The following APOL5 variants were observed in gnomAD, a reference collection of about 807,000 sequenced individuals.
APOL5 encodes the protein apolipoprotein L5.
A neutral mutation model predicts 35.5 loss-of-function variants in APOL5; 29 were observed. The ratio of observed to expected loss-of-function variants is 0.82; its 90% confidence interval spans 0.61 to 1.11. APOL5 has a LOEUF of 1.11. Among genes scored for constraint, APOL5 ranks in the 50% most tolerant of loss-of-function variants. APOL5 has a pLI of 0.00. For synonymous variants in APOL5, 188 were observed against 200.2 expected (o/e 0.94, Z 0.51); for missense variants, 514 against 530.4 (o/e 0.97, Z 0.30).
chr22:35,708,760 A>T, the APOL5 span, among the ~76,000 whole-genome samples: 2 of 152,308 alleles, frequency 1.3e-5, no homozygotes, highest in Middle Eastern at 3.4e-3. Flanking sequence ...AGGGGCAGGC[A>T]GTGGTCAACA....
chr22:35,727,345 T>C, intron 3 of APOL5, 151 bp downstream of exon 3: 1 of 1,144,300 alleles, frequency 8.7e-7, no homozygotes, highest in South Asian at 1.6e-5. Flanking sequence ...CCCCTGACAT[T>C]AACTAGGCGC....
At chr22:35,709,410 A>G in the APOL5 span, among the ~76,000 whole-genome samples, 74 of 151,774 alleles carry the variant, frequency 4.9e-4, no homozygotes, top group Middle Eastern at 0.02. Context: ...GAGAGTTTCT[A>G]TTTTCATGGC....
the APOL5 span, among the ~76,000 whole-genome samples, chr22:35,711,599 T>TTTCATTCCTTCC: frequency 1.3e-5 from 1 of 77,508 alleles, no homozygotes; most frequent in South Asian, 5.5e-4. Context: ...TCACCATGTT[T>TTTCATTCCTTCC]TTCCTTCCTT....
chr22:35,710,715 C>T, the APOL5 span, among the ~76,000 whole-genome samples: 1 of 152,110 alleles, frequency 6.6e-6, no homozygotes, highest in African/African-American at 2.4e-5. Context: ...TCCCCTCCCC[C>T]AGCCCCTGGC....
chr22:35,725,252 G>GT (rs1927108467), intron 2 of APOL5, among the ~76,000 whole-genome samples: 1 of 152,004 alleles, frequency 6.6e-6, no homozygotes, highest in African/African-American at 2.4e-5. Context: ...CGAGGACTGG[G>GT]TTTTTTGTTT....
rs1569153349 is a variant in APOL5, at chr22:35,726,524, C to T, written c.456C>T (p.Asn152=). Residue 152 remains asparagine (N), a synonymous_variant, in exon 3 of 5, where the codon AAC becomes AAT. Transcript: ENST00000249044. ...SSSGAVSGVM[N]ILGLALAPVT... ...CCGGGGCTGTTTCTGGGGTCATGAA[C>T]ATCCTGGGTTTGGCCCTAGCACCTG... 3.1e-6 allele frequency: 5 copies of T among 1,614,202 alleles called. No individual in the cohort carries two copies. Among genetic ancestry groups the T allele is most frequent in the Non-Finnish European group, 4.2e-6 (5 of 1,180,038 alleles).
At position 35,728,637 on chromosome 22, in the gene APOL5, C is replaced by T. The variant is rs190712323; in HGVS notation, c.1127-86C>T. ...TTCTCAAAGCCAATAGAAATTTGCT[C>T]TCTGGGGACATATTTGAGCTTCTGA... On this transcript the variant is annotated intron_variant, in intron 3 of 4. Coordinates refer to ENST00000249044, the MANE Select transcript of APOL5 (RefSeq NM_030642.1). 1.1e-4 allele frequency: 162 copies of T among 1,478,678 alleles called. 1 individual carries two copies. In the East Asian group the frequency reaches 3.5e-3, roughly 32 times the overall value. The allele number at this position is 1,478,678 out of a possible 1,614,324, so 91.6% of individuals were successfully genotyped here. A position where few individuals can be genotyped will look rare whatever the true frequency, so the allele number is the denominator to read the frequency against.
chr22:35,720,440 T>C (rs1926926096), intron 1 of APOL5, 128 bp from the exon 2 acceptor site: 13 of 624,992 alleles, frequency 2.1e-5, no homozygotes, highest in Non-Finnish European at 2.7e-6. Context: ...AAGATTTTTG[T>C]TGTATTCTTT....
At chr22:35,709,154 G>T in the APOL5 span, among the ~76,000 whole-genome samples, 1 of 152,160 alleles carries the variant, frequency 6.6e-6, no homozygotes, top group Non-Finnish European at 1.5e-5. Flanking sequence ...ACTTATCGAA[G>T]TGTCAACATT....
At chr22:35,711,856 G>C in the APOL5 span, among the ~76,000 whole-genome samples, 1 of 151,982 alleles carries the variant, frequency 6.6e-6, no homozygotes, top group Non-Finnish European at 1.5e-5. Context: ...TTGTATTTTA[G>C]TGGAGACGGG....
upstream of APOL5, among the ~76,000 whole-genome samples, chr22:35,715,518 C>T (rs891489213): frequency 6.6e-6 from 1 of 152,078 alleles, no homozygotes; most frequent in African/African-American, 2.4e-5. Flanking sequence ...TGGTGGTGCA[C>T]ACCTATAATC....
chr22:35,709,404 G>A, the APOL5 span, among the ~76,000 whole-genome samples: 1 of 151,412 alleles, frequency 6.6e-6, no homozygotes, highest in Non-Finnish European at 1.5e-5. Flanking sequence ...TCTTCTGAGA[G>A]TTTCTATTTT....
the APOL5 span, among the ~76,000 whole-genome samples, chr22:35,710,312 CT>C: frequency 2.6e-4 from 37 of 143,916 alleles, no homozygotes; most frequent in Admixed American, 2.8e-4. Context: ...TTTTATTCTT[CT>C]TTTTTTTTTG....
chr22:35,723,014 T>A (rs1927027064), intron 2 of APOL5, among the ~76,000 whole-genome samples: 1 of 151,858 alleles, frequency 6.6e-6, no homozygotes, highest in Non-Finnish European at 1.5e-5. Context: ...CTTAAAAGAG[T>A]GACTTGAAGA....
intron 1 of APOL5, among the ~76,000 whole-genome samples, chr22:35,718,621 G>T (rs1289508080): frequency 2.1e-5 from 3 of 143,920 alleles, no homozygotes; most frequent in Admixed American, 6.9e-5. Flanking sequence ...AAAAAAAGAC[G>T]CCAAAGTGCC....
intron 2 of APOL5, among the ~76,000 whole-genome samples, chr22:35,724,071 C>T (rs1299524089): frequency 1.3e-5 from 2 of 152,134 alleles, no homozygotes; most frequent in Non-Finnish European, 2.9e-5. Flanking sequence ...TGGAGATCCC[C>T]AAACTTTTGC....
chr22:35,720,581 T>C lies in APOL5; in HGVS notation c.69T>C (p.Gly23=), dbSNP rs1926934525. Residue 23 remains glycine (G), a synonymous_variant, in exon 2 of 5, where the codon GGT becomes GGC. Coordinates refer to ENST00000249044, the MANE Select transcript of APOL5 (RefSeq NM_030642.1). Reference sequence around the variant, plus strand: ...GTCCATCTCCAGGCTTGGGAGAAGGTTGTAAAGAAATGTGGCTTCGAAAGG... The same window carrying C: ...GTCCATCTCCAGGCTTGGGAGAAGGCTGTAAAGAAATGTGGCTTCGAAAGG... The part of the protein sequence containing the change: ...GSKVLPGLGE[G]CKEMWLRKVI... 1.2e-6 allele frequency: 2 copies of C among 1,613,970 alleles called. No individual in the cohort carries two copies. The highest frequency in any genetic ancestry group is 1.7e-6 in the Non-Finnish European group (2 of 1,179,968).
rs1601899213 is a variant in APOL5 at position 35,726,195 on chromosome 22, G to A, written c.143-16G>A. 6.3e-7 allele frequency: 1 copy of A among 1,599,768 alleles called. No individual in the cohort carries two copies. The highest frequency in any genetic ancestry group is 1.1e-5 in the South Asian group (1 of 90,408). On this transcript the variant is annotated splice_polypyrimidine_tract_variant and intron_variant, in intron 2 of 4. Coordinates refer to ENST00000249044, the MANE Select transcript of APOL5 (RefSeq NM_030642.1). ...CTGCACACATTTTAGTGCTCAGATTGCCTAGATGTCTTTAGCCTCACTCGT... is the reference window on the plus strand; with the variant it reads ...CTGCACACATTTTAGTGCTCAGATTACCTAGATGTCTTTAGCCTCACTCGT...
rs201268160 is a variant in APOL5 at position 35,727,092 on chromosome 22, C to A, written c.1024C>A (p.Arg342=). 1 of 1,611,804 alleles carries A rather than the reference C, an allele frequency of 6.2e-7. No homozygotes were observed. The highest frequency in any genetic ancestry group is 1.3e-5 in the African/African-American group (1 of 74,914). ...LAKKLEQELD[R]LTQHHRHLPQ... ...TAAGAAGCTGGAGCAGGAGCTGGAC[C>A]GGCTCACCCAGCACCACCGGCACCT... Residue 342 remains arginine (R), a synonymous_variant, in exon 3 of 5, where the codon CGG becomes AGG. Coordinates refer to ENST00000249044, the MANE Select transcript of APOL5 (RefSeq NM_030642.1).
Sources: allele counts gnomAD v4.1 joint callset (sites outside exome capture counted in the v4.1 genomes callset), GRCh38; gene constraint gnomAD v4.1.1; transcripts MANE v1.5; gene names NCBI Gene and HGNC (gene_info 2026-07-23, HGNC 2026-07-21).